NLGN1: variants seen among roughly 807,000 people sequenced by gnomAD.
NLGN1 encodes the protein neuroligin 1.
In NLGN1, 12 loss-of-function variants were observed where a neutral mutation model predicts 65.5. That is an observed-to-expected ratio of 0.18 (90% CI 0.12 to 0.30). The LOEUF (loss-of-function observed/expected upper bound fraction) is 0.30, where lower values mean the gene tolerates loss of function less well. Among genes scored for constraint, NLGN1 ranks in the 10% least tolerant of loss-of-function variants. NLGN1 has a pLI of 1.00. For synonymous variants in NLGN1, 350 were observed against 359.5 expected (o/e 0.97, Z 0.30); for missense variants, 750 against 1,007.1 (o/e 0.74, Z 3.46).
chr3:174,062,245 T>G (rs938783092), intron 4 of NLGN1, among the ~76,000 whole-genome samples: 4 of 152,076 alleles, frequency 2.6e-5, no homozygotes, highest in South Asian at 2.1e-4. Context: ...TGAGGGACAA[T>G]GGGCGGTTAC....
chr3:173,430,746 A>G (rs1287776044), intron 1 of NLGN1, among the ~76,000 whole-genome samples: 9 of 152,152 alleles, frequency 5.9e-5, no homozygotes, highest in African/African-American at 1.9e-4. Flanking sequence ...TTCCTTTGCC[A>G]TCTAGTTGTT....
At chr3:173,423,968 A>G (rs1450814505) in intron 1 of NLGN1, among the ~76,000 whole-genome samples, 1 of 152,110 alleles carries the variant, frequency 6.6e-6, no homozygotes, top group Non-Finnish European at 1.5e-5. Flanking sequence ...AGGCATTTTT[A>G]TACATCCTCT....
At chr3:174,137,967 A>T (rs1721523779) in intron 4 of NLGN1, among the ~76,000 whole-genome samples, 1 of 152,204 alleles carries the variant, frequency 6.6e-6, no homozygotes, top group African/African-American at 2.4e-5. Flanking sequence ...CATCATTAGC[A>T]TAGAAGAAAT....
chr3:173,919,678 G>A (rs73037236), intron 4 of NLGN1, among the ~76,000 whole-genome samples: 6,425 of 152,060 alleles, frequency 0.042, 479 homozygotes, highest in African/African-American at 0.15. Flanking sequence ...CTAAAATATG[G>A]ATAAAATATT....
intron 4 of NLGN1, among the ~76,000 whole-genome samples, chr3:174,055,781 A>T (rs1735926421): frequency 6.6e-6 from 1 of 152,090 alleles, no homozygotes; most frequent in African/African-American, 2.4e-5. Context: ...AATGCTTGGC[A>T]TATTACAAGC....
chr3:173,530,539 T>A (rs2149179176), intron 2 of NLGN1, among the ~76,000 whole-genome samples: 1 of 152,354 alleles, frequency 6.6e-6, no homozygotes, highest in South Asian at 2.1e-4. Context: ...TTAGTTAAAT[T>A]ACTTACAGAT....
rs559388985 is a variant in NLGN1 at position 173,885,105 on chromosome 3, A to G, written c.646+77273A>G. 3.3e-5 allele frequency among the ~76,000 whole-genome samples: 5 copies of G among 152,324 alleles called. No homozygotes were observed. The South Asian group carries it at 1.0e-3, about 32-fold the overall frequency. Reference sequence around the variant, plus strand: ...GAATTTTAGAGGACACATTCAAACCACAGAAACCAAAATGGTAAGATTCAG... The same window carrying G: ...GAATTTTAGAGGACACATTCAAACCGCAGAAACCAAAATGGTAAGATTCAG... On this transcript the variant is annotated intron_variant, in intron 4 of 6. Transcript: ENST00000457714.
intron 4 of NLGN1, among the ~76,000 whole-genome samples, chr3:174,187,886 G>T (rs549210749): frequency 2.6e-5 from 4 of 152,090 alleles, no homozygotes; most frequent in African/African-American, 9.6e-5. Flanking sequence ...TGGACTGCTA[G>T]ATGTCAGGGA....
rs755337219 is a variant in NLGN1, at chr3:173,682,588, CAAAAAAAAAAAAAAAAA to C, written c.493+77506_493+77522del. 2.2e-4 allele frequency among the ~76,000 whole-genome samples: 9 copies of C among 41,402 alleles called. No individual in the cohort carries two copies. In the East Asian group the frequency reaches 7.2e-3, roughly 33 times the overall value. 27.2% of individuals were successfully genotyped at this position (41,402 alleles called of 152,430 possible). ...TGGGTGACAGAGTGAGACACTGTCT[CAAAAAAAAAAAAAAAAA>C]AAAAAAAAGGTATTACTACATAAGC... On this transcript the variant is annotated intron_variant, in intron 3 of 6. Coordinates refer to ENST00000457714, the Ensembl canonical transcript of NLGN1.
intron 4 of NLGN1, among the ~76,000 whole-genome samples, chr3:173,934,624 C>T (rs942142197): frequency 6.6e-6 from 1 of 151,906 alleles, no homozygotes; most frequent in Non-Finnish European, 1.5e-5. Context: ...ACTTTATCTT[C>T]CCCTGATCTT....
At chr3:173,446,966 C>T (rs1184132977) in intron 2 of NLGN1, among the ~76,000 whole-genome samples, 1 of 151,894 alleles carries the variant, frequency 6.6e-6, no homozygotes, top group African/African-American at 2.4e-5. Context: ...GGATATTAGC[C>T]CTTTGTCAGA....
chr3:174,052,962 T>G (rs1422904851), intron 4 of NLGN1, among the ~76,000 whole-genome samples: 1 of 152,080 alleles, frequency 6.6e-6, no homozygotes, highest in Non-Finnish European at 1.5e-5. Flanking sequence ...GTTTTACAAC[T>G]AGCTAATTGC....
At chr3:173,985,457 C>T (rs574409918) in intron 4 of NLGN1, among the ~76,000 whole-genome samples, 9 of 152,078 alleles carry the variant, frequency 5.9e-5, no homozygotes, top group Non-Finnish European at 1.2e-4. Context: ...ATTCTAGTGC[C>T]AGGAGAGAGA....
chr3:173,775,159 A>G (rs1780123137), intron 3 of NLGN1, among the ~76,000 whole-genome samples: 1 of 152,186 alleles, frequency 6.6e-6, no homozygotes, highest in African/African-American at 2.4e-5. Context: ...TATTTATAAG[A>G]AATACTGGAT....
chr3:173,859,094 G>A (rs779736358), intron 4 of NLGN1, among the ~76,000 whole-genome samples: 5 of 151,552 alleles, frequency 3.3e-5, no homozygotes, highest in Non-Finnish European at 7.4e-5. Context: ...CCCTTTGCAC[G>A]TCAATAAAAC....
chr3:173,574,709 T>C (rs963937310), intron 2 of NLGN1, among the ~76,000 whole-genome samples: 3 of 152,154 alleles, frequency 2.0e-5, no homozygotes, highest in African/African-American at 7.2e-5. Context: ...AGAGAACATA[T>C]ATTGAATACT....
chr3:173,746,045 A>G (rs995341506), intron 3 of NLGN1, among the ~76,000 whole-genome samples: 1 of 152,014 alleles, frequency 6.6e-6, no homozygotes. Context: ...TAGATTATAA[A>G]GGTAATTATA....
At chr3:173,677,232 A>G (rs1389281429) in intron 3 of NLGN1, among the ~76,000 whole-genome samples, 2 of 152,054 alleles carry the variant, frequency 1.3e-5, no homozygotes, top group East Asian at 3.9e-4. Flanking sequence ...ACCCAGGAAT[A>G]CAAATCAGAA....
chr3:173,767,084 C>G (rs970596310), intron 3 of NLGN1, among the ~76,000 whole-genome samples: 4 of 151,974 alleles, frequency 2.6e-5, no homozygotes, highest in African/African-American at 9.7e-5. Context: ...CTATAAGTAG[C>G]TGTAAATGTT....
Sources: gnomAD v4.1 joint callset for allele counts (sites outside exome capture counted in the v4.1 genomes callset) on GRCh38, gnomAD v4.1.1 for gene constraint, MANE v1.5 for transcripts, NCBI Gene and HGNC (gene_info 2026-07-23, HGNC 2026-07-21) for gene names.